Variants in DTNB observed in about 807,000 individuals in gnomAD.
The protein encoded by DTNB is DTN-B.
Under a neutral mutation model 90.7 loss-of-function variants are expected in DTNB, and 63 were observed. The observed-to-expected ratio is 0.69, with a 90% CI of 0.57 to 0.86. DTNB has a LOEUF of 0.86. DTNB is among the 40% of genes least tolerant of loss of function. The pLI is 0.00. For missense variants in DTNB, 744 were observed against 807.1 expected, an observed-to-expected ratio of 0.92 and a Z score of 0.95; for synonymous variants, 277 against 286.7, an observed-to-expected ratio of 0.97 and a Z score of 0.34.
chr2:25,664,655 A>G (rs1046825249), intron 1 of DTNB, among the ~76,000 whole-genome samples: 2 of 152,190 alleles, frequency 1.3e-5, no homozygotes, highest in African/African-American at 4.8e-5. Context: ...ATCATTTTAC[A>G]TACCTCCCAC....
At chr2:25,469,036 T>TA (rs1483221572) in intron 10 of DTNB, among the ~76,000 whole-genome samples, 2 of 152,196 alleles carry the variant, frequency 1.3e-5, no homozygotes, top group Non-Finnish European at 2.9e-5. Context: ...ACTACGGTGA[T>TA]AAACAAATGT....
Position 25,662,678 on chromosome 2 carries a change from ACAAACACAC to A in DTNB, c.-1-10026_-1-10018del, listed in dbSNP as rs1559430810. Among the ~76,000 whole-genome samples, 336 of 122,860 alleles carry A rather than the reference ACAAACACAC, an allele frequency of 2.7e-3. 3 individuals carry two copies. The highest frequency in any genetic ancestry group is 8.8e-3 in the African/African-American group (312 of 35,432). The allele number at this position is 122,860 out of a possible 152,430, so 80.6% of individuals were successfully genotyped here. A position where few individuals can be genotyped will look rare whatever the true frequency, so the allele number is the denominator to read the frequency against. On this transcript the variant is annotated intron_variant, in intron 1 of 20. Coordinates refer to ENST00000406818, the MANE Select transcript of DTNB (RefSeq NM_021907.5). ...CACACACACACACACACACACACACACAAACACACACACACACACACACACACACAGCAA... is the reference window on the plus strand; with the variant it reads ...CACACACACACACACACACACACACAACACACACACACACACACACAGCAA...
At chr2:25,460,192 C>T (rs2060714186) in intron 10 of DTNB, among the ~76,000 whole-genome samples, 1 of 151,990 alleles carries the variant, frequency 6.6e-6, no homozygotes, top group African/African-American at 2.4e-5. Context: ...ATCAAGGGTT[C>T]TGAATGAGCA....
At chr2:25,492,799 G>A (rs557424160) in intron 9 of DTNB, among the ~76,000 whole-genome samples, 5 of 152,042 alleles carry the variant, frequency 3.3e-5, no homozygotes, top group South Asian at 4.2e-4. Context: ...GTAGTGAGCC[G>A]ACATCACATC....
chr2:25,535,680 G>C (rs2079452005), intron 8 of DTNB, among the ~76,000 whole-genome samples: 1 of 115,254 alleles, frequency 8.7e-6, no homozygotes, highest in Non-Finnish European at 1.8e-5. Flanking sequence ...TCACATCCCA[G>C]ACAATGGGCG....
chr2:25,613,286 T>C (rs2069155193), intron 4 of DTNB, among the ~76,000 whole-genome samples: 1 of 152,130 alleles, frequency 6.6e-6, no homozygotes, highest in South Asian at 2.1e-4. Context: ...CACGTGCAGG[T>C]TTATTACATG....
chr2:25,446,735 T>C (rs918938071), intron 12 of DTNB, among the ~76,000 whole-genome samples: 1 of 152,238 alleles, frequency 6.6e-6, no homozygotes, highest in Non-Finnish European at 1.5e-5. Flanking sequence ...TTTTTATTTA[T>C]GTATCTGGGG....
intron 8 of DTNB, among the ~76,000 whole-genome samples, chr2:25,542,033 T>C (rs2081371254): frequency 6.6e-6 from 1 of 152,230 alleles, no homozygotes; most frequent in South Asian, 2.1e-4. Flanking sequence ...TACTTTACAT[T>C]AGGTTAAGGG....
chr2:25,519,961 A>G (rs2075848796), intron 9 of DTNB, among the ~76,000 whole-genome samples: 1 of 152,232 alleles, frequency 6.6e-6, no homozygotes, highest in African/African-American at 2.4e-5. Flanking sequence ...TACACACTCA[A>G]TAAATACTGT....
intron 8 of DTNB, among the ~76,000 whole-genome samples, chr2:25,540,665 A>C (rs1373250662): frequency 1.3e-5 from 2 of 152,048 alleles, no homozygotes; most frequent in Non-Finnish European, 2.9e-5. Flanking sequence ...AAAGAAGTAG[A>C]CATGGGAGAC....
intron 9 of DTNB, among the ~76,000 whole-genome samples, chr2:25,488,412 G>C (rs539369341): frequency 4.6e-5 from 7 of 152,302 alleles, no homozygotes; most frequent in African/African-American, 1.7e-4. Flanking sequence ...AGGTTGGAAA[G>C]GAGGAGGGAT....
At chr2:25,625,669 G>C (rs751817179) in intron 4 of DTNB, among the ~76,000 whole-genome samples, 1 of 148,902 alleles carries the variant, frequency 6.7e-6, no homozygotes, top group Non-Finnish European at 1.5e-5. Flanking sequence ...TAGCTTTCTC[G>C]GAATATGGCC....
chr2:25,515,572 CATTTATTT>C (rs60019416), intron 9 of DTNB, among the ~76,000 whole-genome samples: 102 of 150,174 alleles, frequency 6.8e-4, no homozygotes, highest in African/African-American at 1.6e-3. Context: ...GATATCCATG[CATTTATTT>C]ATTTATTTAT....
intron 5 of DTNB, among the ~76,000 whole-genome samples, chr2:25,602,156 T>C (rs936200209): frequency 2.0e-5 from 3 of 151,920 alleles, no homozygotes; most frequent in Non-Finnish European, 4.4e-5. Context: ...AAAAGAAACT[T>C]ATTAATATGC....
At chr2:25,560,684 C>G (rs569800034) in intron 8 of DTNB, among the ~76,000 whole-genome samples, 1 of 152,342 alleles carries the variant, frequency 6.6e-6, no homozygotes, top group African/African-American at 2.4e-5. Context: ...TCCTCCATAA[C>G]TGCATAAGCC....
rs556788503 is a variant in DTNB at position 25,388,223 on chromosome 2, C to A, written c.1714G>T (p.Val572Leu). ...QDSLSGVGGD[V>L]QEAFAQGTRR... ...TCACCTTGTGCGAAGGCCTCCTGCA[C>A]GTCTCCCCCGACTCCGCTCAGCGAG... is the stretch of plus-strand genomic sequence containing the variant. The change falls in exon 17 of 21, where the codon GTG becomes TTG. Residue 572 changes from valine to leucine, a missense_variant. Physicochemically the swap from Val to Leu is conservative, Grantham distance 32. Coordinates refer to ENST00000406818, the MANE Select transcript of DTNB (RefSeq NM_021907.5). 7 of 1,584,590 alleles carry A rather than the reference C, an allele frequency of 4.4e-6. No homozygotes were observed. The East Asian group carries it at 1.6e-4, about 36-fold the overall frequency.
chr2:25,672,015 T>C (rs114474317), intron 1 of DTNB, among the ~76,000 whole-genome samples: 1,917 of 151,398 alleles, frequency 0.013, 12 homozygotes, highest in South Asian at 0.028. Flanking sequence ...TCTCAAGTAA[T>C]AGAAAAAGCC....
At chr2:25,575,993 T>A (rs1050718040) in intron 8 of DTNB, among the ~76,000 whole-genome samples, 1 of 152,208 alleles carries the variant, frequency 6.6e-6, no homozygotes, top group African/African-American at 2.4e-5. Context: ...ATTACTATTT[T>A]AAAAACTACT....
intron 6 of DTNB, among the ~76,000 whole-genome samples, chr2:25,591,083 C>T (rs1438380812): frequency 6.6e-6 from 1 of 152,236 alleles, no homozygotes; most frequent in Non-Finnish European, 1.5e-5. Context: ...AGTGCCCGAG[C>T]TCGGCCTCAG....
Sources: gnomAD v4.1 joint callset for allele counts (sites outside exome capture counted in the v4.1 genomes callset) on GRCh38, gnomAD v4.1.1 for gene constraint, MANE v1.5 for transcripts, NCBI Gene and HGNC (gene_info 2026-07-23, HGNC 2026-07-21) for gene names.